The following OGA variants were observed in gnomAD, a reference collection of about 807,000 sequenced individuals.
The protein encoded by OGA is O-GlcNAcase, also known as protein O-GlcNAcase.
OGA carries 21 observed loss-of-function variants against 102.0 expected under a neutral mutation model. The ratio of observed to expected loss-of-function variants is 0.21; its 90% CI spans 0.15 to 0.30. OGA has a LOEUF of 0.30. OGA is among the 10% of genes least tolerant of loss of function. The pLI is 1.00. For missense variants in OGA, 765 were observed against 1,107.8 expected (o/e 0.69, Z 4.39); for synonymous variants, 408 against 378.2 (o/e 1.08, Z -0.91).
chr10:101,800,765 T>C lies in OGA; in HGVS notation c.1037-365A>G, dbSNP rs368077028. On this transcript the variant is annotated intron_variant, in intron 7 of 15. Coordinates refer to ENST00000361464, the MANE Select transcript of OGA (RefSeq NM_012215.5). ...ACATTGCATAGCCTTCAGGGCCTTG[T>C]AACTTCTTTTTTTTTTTTTTTTTTT... is the stretch of plus-strand genomic sequence containing the variant. 9.4e-5 allele frequency among the ~76,000 whole-genome samples: 14 copies of C among 149,432 alleles called. No homozygotes were observed. The East Asian group carries it at 2.8e-3, about 29-fold the overall frequency.
intron 8 of OGA, 70 bp downstream of exon 8, chr10:101,800,172 A>C: frequency 1.1e-5 from 17 of 1,507,698 alleles, no homozygotes; most frequent in Non-Finnish European, 1.5e-5. Context: ...CACACCCGGG[A>C]GACAGTGTTC....
chr10:101,798,215 C>T lies in OGA; in HGVS notation c.1810-61G>A, dbSNP rs1048964129. The stretch of plus-strand genomic sequence containing the variant: ...AAGCTTAACAAAATAATCTGAGACA[C>T]AGTTACACATTAAGCTGCTTATGTT... On this transcript the variant is annotated intron_variant, in intron 9 of 15. Coordinates refer to ENST00000361464, the MANE Select transcript of OGA (RefSeq NM_012215.5). The T allele has an allele frequency of 2.6e-6, 4 of 1,509,586 alleles. No homozygotes were observed. In the Admixed American group the frequency reaches 7.2e-5, roughly 27 times the overall value. The allele number at this position is 1,509,586 out of a possible 1,614,324, so 93.5% of individuals were successfully genotyped here. A position where few individuals can be genotyped will look rare whatever the true frequency, so the allele number is the denominator to read the frequency against.
chr10:101,817,924 T>A lies in OGA; in HGVS notation c.99A>T (p.Ala33=). The A allele has an allele frequency of 6.3e-7, 1 of 1,582,982 alleles. No individual in the cohort carries two copies. Among genetic ancestry groups the A allele is most frequent in the Non-Finnish European group, 8.6e-7 (1 of 1,166,924 alleles). ...GGTTGTCTTCTCCGGGTGCCGGAGC[T>A]GCCGGCGGCTCCAGCGATGCCCCCG... The part of the protein sequence containing the change: ...ASAGASLEPP[A]APAPGEDNPA... Residue 33 remains alanine (A), a synonymous_variant, in exon 1 of 16, where the codon GCA becomes GCT. Transcript: ENST00000361464.
rs1211789123 is a variant in OGA, at chr10:101,818,402, T to G, written c.-380A>C. The stretch of plus-strand genomic sequence containing the variant: ...TGTTTCCCCTCCAAGCCCCGAGCTC[T>G]CCCTCTGCTGCTGCCTCCACCGCCC... On this transcript the variant is annotated 5_prime_UTR_variant, in exon 1 of 16. Transcript: ENST00000361464. 11 of 1,023,426 alleles carry G rather than the reference T, an allele frequency of 1.1e-5. No homozygotes were observed. Among genetic ancestry groups the G allele is most frequent in the African/African-American group, 1.7e-5 (1 of 58,490 alleles). The allele number at this position is 1,023,426 out of a possible 1,614,324, so 63.4% of individuals were successfully genotyped here.
intron 10 of OGA, among the ~76,000 whole-genome samples, chr10:101,794,568 A>G (rs1393702807): frequency 6.6e-6 from 1 of 152,248 alleles, no homozygotes; most frequent in Admixed American, 6.5e-5. Context: ...AAAACAATTC[A>G]AAATCAGACT....
At chr10:101,798,516 C>A (rs1164618527) in intron 9 of OGA, among the ~76,000 whole-genome samples, 2 of 150,984 alleles carry the variant, frequency 1.3e-5, no homozygotes, top group Admixed American at 1.3e-4. Context: ...GTTCTTCAAG[C>A]GATTCTCCTG....
At chr10:101,787,749 G>A (rs887561071) in intron 14 of OGA, 8 of 497,066 alleles carry the variant, frequency 1.6e-5, no homozygotes, top group African/African-American at 1.2e-4. Context: ...ATTCTCCCTC[G>A]CGTGCACGCG....
Position 101,799,064 on chromosome 10 carries a change from A to T in OGA, c.1587T>A (p.Thr529=). 1 of 1,614,200 alleles carries T rather than the reference A, an allele frequency of 6.2e-7. No homozygotes were observed. The highest frequency in any genetic ancestry group is 8.5e-7 in the Non-Finnish European group (1 of 1,180,038). ...DCISDIAPMQ[T]DEQTNKEQFV... ...ACTGCTCCTTGTTTGTCTGTTCATCAGTTTGCATGGGGGCAATGTCACTAA... is the reference window on the plus strand; with the variant it reads ...ACTGCTCCTTGTTTGTCTGTTCATCTGTTTGCATGGGGGCAATGTCACTAA... Residue 529 remains threonine (T), a synonymous_variant, in exon 9 of 16, where the codon ACT becomes ACA. Transcript: ENST00000361464.
Position 101,785,471 on chromosome 10 carries a change from C to T in OGA, c.*980G>A, listed in dbSNP as rs2065182735. On this transcript the variant is annotated 3_prime_UTR_variant, in exon 16 of 16. Coordinates refer to ENST00000361464, the MANE Select transcript of OGA (RefSeq NM_012215.5). ...CTGACATGTCAAATCCAACATTTCA[C>T]ATGCTGACCTAATATTGAGGTTAAT... 6.5e-6 allele frequency: 1 copy of T among 152,674 alleles called. No individual in the cohort carries two copies. The highest frequency in any genetic ancestry group is 2.1e-4 in the South Asian group (1 of 4,838). 9.5% of individuals were successfully genotyped at this position (152,674 alleles called of 1,614,324 possible).
intron 14 of OGA, among the ~76,000 whole-genome samples, chr10:101,788,706 C>T (rs1239624865): frequency 6.6e-6 from 1 of 151,020 alleles, no homozygotes; most frequent in Non-Finnish European, 1.5e-5. Context: ...TTGCACTCCA[C>T]CCCAGGCGAC....
Position 101,817,943 on chromosome 10 carries a change from G to T in OGA, c.80C>A (p.Ala27Glu). The change falls in exon 1 of 16, where the codon GCA (alanine) becomes GAA (glutamate). Residue 27 changes from alanine to glutamate, a missense_variant. By Grantham distance (107) the Ala-to-Glu change is moderately radical. Transcript: ENST00000361464. The part of the protein sequence containing the change: ...LSSNPAASAG[A>E]SLEPPAAPAP... Reference sequence around the variant, plus strand: ...CGGAGCTGCCGGCGGCTCCAGCGATGCCCCCGCAGAGGCGGCAGGGTTGGA... The same window carrying T: ...CGGAGCTGCCGGCGGCTCCAGCGATTCCCCCGCAGAGGCGGCAGGGTTGGA... 6.3e-7 allele frequency: 1 copy of T among 1,595,548 alleles called. No homozygotes were observed.
In OGA at chr10:101,785,717, T is replaced by A. The variant is rs1209779185; in HGVS notation, c.*734A>T. 1 of 152,536 alleles carries A rather than the reference T, an allele frequency of 6.6e-6. No homozygotes were observed. The allele number at this position is 152,536 out of a possible 1,614,324, so 9.4% of individuals were successfully genotyped here. ...CCATTCTGAACCAACACCCTTTCATTTATAGAGGAAAAAAATTTACAAAAA... is the reference window on the plus strand; with the variant it reads ...CCATTCTGAACCAACACCCTTTCATATATAGAGGAAAAAAATTTACAAAAA... On this transcript the variant is annotated 3_prime_UTR_variant, in exon 16 of 16. Coordinates refer to ENST00000361464, the MANE Select transcript of OGA (RefSeq NM_012215.5).
intron 1 of OGA, among the ~76,000 whole-genome samples, chr10:101,814,482 G>T (rs547950094): frequency 5.8e-4 from 89 of 152,310 alleles, no homozygotes; most frequent in Non-Finnish European, 1.1e-3. Context: ...CCAGTTACTT[G>T]GGAGGCTAGG....
chr10:101,804,106 A>G (rs547150543), intron 6 of OGA, 87 bp from the exon 7 acceptor site: 1 of 1,264,950 alleles, frequency 7.9e-7, no homozygotes, highest in South Asian at 1.4e-5. Flanking sequence ...GCACTCTGGG[A>G]GGCAGAGGTG....
intron 3 of OGA, chr10:101,812,762 T>C (rs1269238708): frequency 1.9e-6 from 1 of 540,312 alleles, no homozygotes; most frequent in Non-Finnish European, 3.5e-6. Context: ...CACTGTTTAA[T>C]CCACTGGCAG....
chr10:101,808,506 C>T (rs1268061768), intron 4 of OGA, among the ~76,000 whole-genome samples: 2 of 152,162 alleles, frequency 1.3e-5, no homozygotes, highest in East Asian at 3.8e-4. Flanking sequence ...GCAGATAAAC[C>T]TAACCAGGTA....
In OGA at chr10:101,790,972, C is replaced by T. The variant is rs2065254492; in HGVS notation, c.2378G>A (p.Cys793Tyr). Residue 793 changes from cysteine to tyrosine, a missense_variant, in exon 14 of 16, where the codon TGT (cysteine) becomes TAT (tyrosine). Around this residue, in one of 7 missense-constraint regions of OGA, gnomAD observed 146 missense variants for 269.7 expected, o/e 0.54. Coordinates refer to ENST00000361464, the MANE Select transcript of OGA (RefSeq NM_012215.5). ...TVDVTPFIKK[C>Y]KISWIPFMQE... ...CATGAAGGGGATCCAGGAAATTTTA[C>T]ATTTTTTAATAAAGGGGGTCACATC... is the stretch of plus-strand genomic sequence containing the variant. The T allele has an allele frequency of 6.2e-7, 1 of 1,613,710 alleles. No homozygotes were observed. The highest frequency in any genetic ancestry group is 1.3e-5 in the African/African-American group (1 of 74,908).
intron 8 of OGA, among the ~76,000 whole-genome samples, chr10:101,799,882 C>T (rs2065366567): frequency 6.6e-6 from 1 of 151,766 alleles, no homozygotes. Flanking sequence ...TGACAGTGTT[C>T]TTTTTTTTGA....
chr10:101,792,420 C>T (rs549632572), intron 12 of OGA, among the ~76,000 whole-genome samples: 5 of 152,340 alleles, frequency 3.3e-5, no homozygotes, highest in Admixed American at 6.5e-5. Context: ...GGATTACAGA[C>T]GTGAGCCACC....
Sources: allele counts gnomAD v4.1 joint callset (sites outside exome capture counted in the v4.1 genomes callset), GRCh38; gene constraint gnomAD v4.1.1; regional missense constraint gnomAD v4.1.1; transcripts MANE v1.5; gene names NCBI Gene and HGNC (gene_info 2026-07-23, HGNC 2026-07-21).